The following WDR72 variants were observed in gnomAD, a reference collection of about 807,000 sequenced individuals.
WDR72 encodes the protein WD repeat-containing protein 72.
WDR72 carries 120 observed loss-of-function variants against 124.2 expected under a neutral mutation model. That is an observed-to-expected ratio of 0.97 (90% CI 0.83 to 1.12). WDR72 has a LOEUF of 1.12. Among genes scored for constraint, WDR72 ranks in the 50% most tolerant of loss-of-function variants. The pLI, the probability that WDR72 is intolerant of heterozygous loss-of-function variation, is 0.00. For synonymous variants in WDR72, 452 were observed against 441.7 expected (o/e 1.02, Z -0.29); for missense variants, 1,387 against 1,278.8 (o/e 1.08, Z -1.29).
chr15:53,746,884 T>A (rs1184880261), intron 1 of WDR72, among the ~76,000 whole-genome samples: 2 of 152,122 alleles, frequency 1.3e-5, no homozygotes, highest in Non-Finnish European at 2.9e-5. Context: ...AACAAATGGA[T>A]AGATAGGACA....
At chr15:53,689,245 C>T (rs974603285) in intron 13 of WDR72, among the ~76,000 whole-genome samples, 1 of 151,390 alleles carries the variant, frequency 6.6e-6, no homozygotes, top group Non-Finnish European at 1.5e-5. Flanking sequence ...AGCTTCTGCA[C>T]AGCAAAAGAA....
At chr15:53,689,250 A>G (rs1254011335) in intron 13 of WDR72, among the ~76,000 whole-genome samples, 2 of 151,460 alleles carry the variant, frequency 1.3e-5, no homozygotes. Flanking sequence ...CTGCACAGCA[A>G]AAGAAACTAC....
At chr15:53,570,898 C>T (rs1188045876) in intron 18 of WDR72, among the ~76,000 whole-genome samples, 1 of 152,044 alleles carries the variant, frequency 6.6e-6, no homozygotes, top group African/African-American at 2.4e-5. Flanking sequence ...ACTATGCAAC[C>T]ATAAAAAAGA....
At chr15:53,558,662 A>C (rs1450166255) in intron 18 of WDR72, among the ~76,000 whole-genome samples, 1 of 152,026 alleles carries the variant, frequency 6.6e-6, no homozygotes, top group African/African-American at 2.4e-5. Context: ...AAAAAGTTAA[A>C]GTCCACTCAC....
intron 2 of WDR72, among the ~76,000 whole-genome samples, chr15:53,732,547 C>A (rs538992520): frequency 6.6e-6 from 1 of 152,204 alleles, no homozygotes; most frequent in East Asian, 1.9e-4. Context: ...CACAGGCAGG[C>A]AGAGACTAAA....
In WDR72 at chr15:53,705,948, T is replaced by C. The variant is rs371999648; in HGVS notation, c.1081A>G (p.Lys361Glu). The C allele has an allele frequency of 3.7e-6, 6 of 1,614,004 alleles. No individual in the cohort carries two copies. The African/African-American group carries it at 6.7e-5, about 18-fold the overall frequency. The stretch of plus-strand genomic sequence containing the variant: ...TTACCTCTAGGAGAACCATCAAACT[T>C]GGATACAGGAACATCAGGGATGTGC... ...LWHIPDVPVS[K>E]FDGSPREIPV... The change falls in exon 10 of 20, where the codon AAG becomes GAG. Residue 361 changes from lysine (K) to glutamate (E), a missense_variant. By Grantham distance (56) the Lys-to-Glu change is moderately conservative (BLOSUM62 1). Coordinates refer to ENST00000360509, the MANE Select transcript of WDR72 (RefSeq NM_182758.4).
chr15:53,570,577 A>G (rs2140304846), intron 18 of WDR72, among the ~76,000 whole-genome samples: 1 of 152,208 alleles, frequency 6.6e-6, no homozygotes, highest in Middle Eastern at 3.4e-3. Context: ...TAAAATGTCA[A>G]AAAATAACAG....
At chr15:53,582,758 C>G (rs983663878) in intron 18 of WDR72, among the ~76,000 whole-genome samples, 1 of 151,830 alleles carries the variant, frequency 6.6e-6, no homozygotes, top group African/African-American at 2.4e-5. Context: ...AGCAAATTTA[C>G]CATGAAGAAA....
intron 1 of WDR72, among the ~76,000 whole-genome samples, chr15:53,735,530 A>G (rs921840485): frequency 3.3e-5 from 5 of 152,344 alleles, no homozygotes; most frequent in South Asian, 2.1e-4. Flanking sequence ...GTCAAAACTT[A>G]ATCAAATTTA....
chr15:53,711,058 A>T, intron 8 of WDR72, 105 bp from the exon 9 acceptor site: 2 of 1,037,468 alleles, frequency 1.9e-6, no homozygotes, highest in South Asian at 1.4e-5. Flanking sequence ...TCAAGTTTCT[A>T]AACTCTAGTT....
chr15:53,757,151 C>A (rs1281200683), intron 1 of WDR72, among the ~76,000 whole-genome samples: 4 of 152,172 alleles, frequency 2.6e-5, no homozygotes, highest in African/African-American at 9.7e-5. Context: ...CAAAGCTGAC[C>A]TGGGCCTAGA....
At chr15:53,595,992 T>G (rs187598152) in intron 18 of WDR72, among the ~76,000 whole-genome samples, 51 of 152,244 alleles carry the variant, frequency 3.3e-4, no homozygotes, top group African/African-American at 1.1e-3. Context: ...AATATGCCTT[T>G]TCATTTCTCT....
intron 14 of WDR72, 33 bp from the exon 15 acceptor site, chr15:53,616,276 C>A (rs1427387026): frequency 1.2e-5 from 18 of 1,545,042 alleles, no homozygotes; most frequent in Non-Finnish European, 1.6e-5. Context: ...TGTCAAAGTT[C>A]TTGCTTATTA....
At position 53,702,440 on chromosome 15, in the gene WDR72, A is replaced by T. The variant is rs1047477776; in HGVS notation, c.1349-86T>A. The T allele has an allele frequency of 3.6e-6, 4 of 1,123,324 alleles. No individual in the cohort carries two copies. The African/African-American group carries it at 6.3e-5, about 18-fold the overall frequency. The allele number at this position is 1,123,324 out of a possible 1,614,324, so 69.6% of individuals were successfully genotyped here. The stretch of plus-strand genomic sequence containing the variant: ...AGATTCTCTTCTATAAAATTTTAAC[A>T]TAAGGAAATTACATATAATTAAAGC... On this transcript the variant is annotated intron_variant, in intron 11 of 19. Transcript: ENST00000360509.
chr15:53,718,522 A>C (rs1378558084), intron 3 of WDR72, among the ~76,000 whole-genome samples: 2 of 152,098 alleles, frequency 1.3e-5, no homozygotes, highest in East Asian at 1.9e-4. Flanking sequence ...CAAAGCAAAA[A>C]TTTGCTCTTT....
At chr15:53,541,370 C>G (rs1463152041) in intron 18 of WDR72, among the ~76,000 whole-genome samples, 3 of 152,028 alleles carry the variant, frequency 2.0e-5, no homozygotes, top group Non-Finnish European at 4.4e-5. Context: ...GAGGCACCCC[C>G]CAGCAGGGGC....
intron 18 of WDR72, among the ~76,000 whole-genome samples, chr15:53,545,724 G>A (rs1893420372): frequency 7.5e-6 from 1 of 132,700 alleles, no homozygotes; most frequent in South Asian, 2.5e-4. Flanking sequence ...GAGTGAGCAG[G>A]CAACCTACAA....
rs549522997 is a variant in WDR72, at chr15:53,755,856, C to A, written c.-13+3777G>T. Among the ~76,000 whole-genome samples the A allele has an allele frequency of 2.0e-5, 3 of 152,284 alleles. No individual in the cohort carries two copies. In the East Asian group the frequency reaches 5.8e-4, roughly 29 times the overall value. On this transcript the variant is annotated intron_variant, in intron 1 of 19. Transcript: ENST00000360509. ...AACATTCAGCTGGTAATTTACATAT[C>A]CAGTCTAAAAAAGTGGGGGGCATAG...
At chr15:53,611,073 G>C (rs770866775) in intron 16 of WDR72, among the ~76,000 whole-genome samples, 2 of 152,214 alleles carry the variant, frequency 1.3e-5, no homozygotes, top group Middle Eastern at 3.4e-3. Flanking sequence ...ATAAAAGAAA[G>C]TATCCCAGCC....
Sources: gnomAD v4.1 joint callset for allele counts (sites outside exome capture counted in the v4.1 genomes callset) on GRCh38, gnomAD v4.1.1 for gene constraint, MANE v1.5 for transcripts, NCBI Gene and HGNC (gene_info 2026-07-23, HGNC 2026-07-21) for gene names.